Variants in NEU3 observed in about 807,000 individuals in gnomAD.
NEU3 encodes the protein neuraminidase 3.
In NEU3, 10 loss-of-function variants were observed where a neutral mutation model predicts 11.4. The ratio of observed to expected loss-of-function variants is 0.88; its 90% CI spans 0.54 to 1.49. The LOEUF is 1.49. NEU3 is among the 40% of genes most tolerant of loss of function. NEU3 has a pLI of 0.00. For missense variants in NEU3, 529 were observed against 581.8 expected (o/e 0.91, Z 0.93); for synonymous variants, 212 against 228.2 (o/e 0.93, Z 0.64).
exon 4 of NEU3, chr11:75,018,695 C>T (rs1037571795): frequency 6.6e-6 from 1 of 152,102 alleles, no homozygotes; most frequent in African/African-American, 2.4e-5. Flanking sequence ...CTCTAGAGAA[C>T]CCTGACTAAT....
At position 75,006,538 on chromosome 11, in the gene NEU3, C is replaced by A; in HGVS notation, c.*46C>A. The A allele has an allele frequency of 6.5e-7, 1 of 1,548,214 alleles. No homozygotes were observed. The highest frequency in any genetic ancestry group is 1.9e-5 in the Admixed American group (1 of 51,636). On this transcript the variant is annotated 3_prime_UTR_variant, in exon 3 of 3. Coordinates refer to ENST00000294064, the MANE Select transcript of NEU3 (RefSeq NM_006656.6). ...CATAGATGCAAATGGCAGTTACAGA[C>A]AGGTTAACAGAAGCTACTGAAGTCT...
chr11:75,017,038 T>G (rs1032404055), intron 3 of NEU3, among the ~76,000 whole-genome samples: 5 of 152,144 alleles, frequency 3.3e-5, no homozygotes, highest in Non-Finnish European at 7.3e-5. Context: ...GTGGTGGCAG[T>G]AGAAATCAGT....
upstream of NEU3, among the ~76,000 whole-genome samples, chr11:74,987,778 A>C (rs1948682005): frequency 6.6e-6 from 1 of 151,702 alleles, no homozygotes; most frequent in Non-Finnish European, 1.5e-5. Context: ...ACGCCACTGC[A>C]CTCCAGCCTG....
In NEU3 at chr11:75,005,878, G is replaced by T. The variant is rs906621867; in HGVS notation, c.772G>T (p.Glu258Ter). Residue 258 changes from glutamate to a stop codon, truncating the protein, a stop_gained, in exon 3 of 3, where the codon GAA becomes TAA. Transcript: ENST00000294064. LOFTEE classifies it low-confidence loss of function (END_TRUNC). ...ACTCATTAGGCCCATGGTTACAGTA[G>T]AATGTGAAGTGGCAGAGGTGACTGG... ...GRLIRPMVTV[E>*]CEVAEVTGRA... 6.2e-7 allele frequency: 1 copy of T among 1,613,786 alleles called. No homozygotes were observed. The highest frequency in any genetic ancestry group is 1.7e-5 in the Admixed American group (1 of 60,032).
At chr11:74,996,934 G>A (rs1357238951) in intron 2 of NEU3, among the ~76,000 whole-genome samples, 2 of 152,164 alleles carry the variant, frequency 1.3e-5, no homozygotes, top group African/African-American at 4.8e-5. Context: ...TGAGCAGTAG[G>A]TCTCAACAGG....
At chr11:74,997,419 T>C (rs1417287349) in intron 2 of NEU3, among the ~76,000 whole-genome samples, 1 of 152,208 alleles carries the variant, frequency 6.6e-6, no homozygotes, top group South Asian at 2.1e-4. Flanking sequence ...TGGTTTAGGC[T>C]TTGTCTTAAG....
intron 1 of NEU3, among the ~76,000 whole-genome samples, chr11:74,992,373 C>G (rs557910341): frequency 6.6e-6 from 1 of 152,326 alleles, no homozygotes; most frequent in East Asian, 1.9e-4. Flanking sequence ...TGATCCTTCT[C>G]TGTCTTCTCA....
chr11:74,989,926 C>G (rs1197513400), intron 1 of NEU3: 7 of 699,376 alleles, frequency 1.0e-5, no homozygotes, highest in Non-Finnish European at 1.8e-5. Context: ...AACCCCAGAG[C>G]AGGCCCATAT....
At position 75,005,616 on chromosome 11, in the gene NEU3, A is replaced by G. The variant is rs892142722; in HGVS notation, c.510A>G (p.Ser170=). The part of the protein sequence containing the change: ...CFIYSQDAGC[S]WSEVRDLTEE... ...TCTACAGTCAGGATGCTGGATGTTC[A>G]TGGAGTGAGGTGAGGGACTTGACTG... Residue 170 remains serine (S), a synonymous_variant, in exon 3 of 3, where the codon TCA becomes TCG. Coordinates refer to ENST00000294064, the MANE Select transcript of NEU3 (RefSeq NM_006656.6). The G allele has an allele frequency of 1.9e-6, 3 of 1,613,976 alleles. No homozygotes were observed. Among genetic ancestry groups the G allele is most frequent in the African/African-American group, 1.3e-5 (1 of 75,028 alleles).
chr11:74,984,243 C>A (rs1948654218), upstream of NEU3, among the ~76,000 whole-genome samples: 2 of 152,160 alleles, frequency 1.3e-5, no homozygotes, highest in Admixed American at 1.3e-4. Flanking sequence ...GACTATTTGT[C>A]CAGGAATGTT....
upstream of NEU3, among the ~76,000 whole-genome samples, chr11:74,987,278 G>A (rs1444479283): frequency 2.0e-5 from 3 of 152,100 alleles, no homozygotes; most frequent in Admixed American, 6.5e-5. Flanking sequence ...TCCATATGTC[G>A]ATATGAACTT....
At chr11:75,011,516 G>C (rs1028972331), downstream of NEU3, among the ~76,000 whole-genome samples, 12 of 152,124 alleles carry the variant, frequency 7.9e-5, no homozygotes, top group African/African-American at 2.9e-4. Context: ...CTTTTGGAAA[G>C]CTGAATCACA....
At chr11:75,014,755 C>T (rs1948973960), downstream of NEU3, among the ~76,000 whole-genome samples, 1 of 151,924 alleles carries the variant, frequency 6.6e-6, no homozygotes, top group South Asian at 2.1e-4. Context: ...GTCCCAGCTA[C>T]TCGAGAGGCT....
In NEU3 at chr11:75,005,686, G is replaced by A. The variant is rs767418979; in HGVS notation, c.580G>A (p.Val194Met). 8.7e-6 allele frequency: 14 copies of A among 1,613,908 alleles called. No individual in the cohort carries two copies. Among genetic ancestry groups the A allele is most frequent in the Middle Eastern group, 1.6e-4 (1 of 6,084 alleles). ...SELKHWATFA[V>M]GPGHGIQLQS... ...GCTGAAGCACTGGGCCACATTTGCT[G>A]TGGGCCCAGGTCATGGCATCCAGCT... Residue 194 changes from valine (V) to methionine (M), a missense_variant, in exon 3 of 3, where the codon GTG becomes ATG. Transcript: ENST00000294064.
intron 2 of NEU3, among the ~76,000 whole-genome samples, chr11:74,996,139 G>A (rs1392315661): frequency 6.6e-6 from 1 of 152,128 alleles, no homozygotes; most frequent in East Asian, 1.9e-4. Flanking sequence ...GGGGGACAGA[G>A]CAATACCCTG....
intron 1 of NEU3, 26 bp from the exon 2 acceptor site, chr11:74,994,483 C>T (rs752760376): frequency 2.0e-5 from 32 of 1,567,700 alleles, no homozygotes; most frequent in Non-Finnish European, 2.5e-5. Context: ...TATGGACACA[C>T]ATTAAGCTTC....
chr11:75,002,416 A>C (rs1167406188), intron 2 of NEU3, among the ~76,000 whole-genome samples: 1 of 152,224 alleles, frequency 6.6e-6, no homozygotes, highest in Admixed American at 6.5e-5. Flanking sequence ...TGAAAAATAA[A>C]AAAAGTATAA....
At chr11:74,985,493 T>C (rs1214049508), upstream of NEU3, among the ~76,000 whole-genome samples, 1 of 152,202 alleles carries the variant, frequency 6.6e-6, no homozygotes, top group Non-Finnish European at 1.5e-5. Flanking sequence ...CCTTGGGAGC[T>C]CTTATACAAT....
chr11:75,016,966 G>A (rs1417979262), intron 3 of NEU3, among the ~76,000 whole-genome samples: 1 of 152,186 alleles, frequency 6.6e-6, no homozygotes, highest in East Asian at 1.9e-4. Flanking sequence ...AGGAATAGTT[G>A]GGTGAACACA....
Sources: allele counts gnomAD v4.1 joint callset (sites outside exome capture counted in the v4.1 genomes callset), GRCh38; gene constraint gnomAD v4.1.1; transcripts MANE v1.5; gene names NCBI Gene and HGNC (gene_info 2026-07-23, HGNC 2026-07-21).